AFG2A: variants seen among roughly 807,000 people sequenced by gnomAD.
The protein encoded by AFG2A is AAA ATPase AFG2A.
chr4:123,035,926 A>G, the AFG2A span, among the ~76,000 whole-genome samples: 1 of 152,190 alleles, frequency 6.6e-6, no homozygotes, highest in Non-Finnish European at 1.5e-5. Context: ...AAAAATAAGC[A>G]CATTTTATTG....
At chr4:123,224,259 G>C in the AFG2A span, among the ~76,000 whole-genome samples, 159 of 151,776 alleles carry the variant, frequency 1.0e-3, no homozygotes, top group African/African-American at 3.7e-3. Flanking sequence ...TGTGCACAAC[G>C]TGCAGGTTTG....
the AFG2A span, among the ~76,000 whole-genome samples, chr4:123,257,050 A>C: frequency 1.3e-5 from 2 of 152,120 alleles, no homozygotes; most frequent in African/African-American, 2.4e-5. Context: ...AGGACTCCAC[A>C]TTCTGTTTTG....
chr4:122,941,479 A>G, the AFG2A span, among the ~76,000 whole-genome samples: 1 of 152,320 alleles, frequency 6.6e-6, no homozygotes, highest in African/African-American at 2.4e-5. Flanking sequence ...TTGTACATTG[A>G]TTTTGTATCC....
chr4:122,951,621 C>T, the AFG2A span, among the ~76,000 whole-genome samples: 1 of 152,190 alleles, frequency 6.6e-6, no homozygotes, highest in Non-Finnish European at 1.5e-5. Context: ...AGACAGCCCA[C>T]CTGTGAGTAC....
the AFG2A span, among the ~76,000 whole-genome samples, chr4:122,925,891 A>G: frequency 6.6e-6 from 1 of 152,254 alleles, no homozygotes; most frequent in Non-Finnish European, 1.5e-5. Flanking sequence ...TATTTGCTGA[A>G]TGAATAAATG....
the AFG2A span, chr4:122,935,796 A>C: frequency 3.1e-6 from 5 of 1,613,154 alleles, no homozygotes; most frequent in South Asian, 2.2e-5. Flanking sequence ...TTGCTAATGA[A>C]GTTGGAGCCT....
the AFG2A span, among the ~76,000 whole-genome samples, chr4:123,148,399 G>A: frequency 6.6e-6 from 1 of 152,230 alleles, no homozygotes; most frequent in East Asian, 1.9e-4. Context: ...GTGAAGAGTG[G>A]GTGGTTATAA....
the AFG2A span, chr4:123,256,843 T>C: frequency 1.0e-6 from 1 of 983,868 alleles, no homozygotes; most frequent in Non-Finnish European, 1.2e-6. Flanking sequence ...ACTTATGCTA[T>C]TTTTATTTAC....
At chr4:123,185,515 C>T in the AFG2A span, among the ~76,000 whole-genome samples, 1 of 152,096 alleles carries the variant, frequency 6.6e-6, no homozygotes, top group Non-Finnish European at 1.5e-5. Flanking sequence ...TGCCCAAACT[C>T]ACACAGCTAA....
the AFG2A span, among the ~76,000 whole-genome samples, chr4:123,165,239 G>T: frequency 7.4e-4 from 113 of 152,254 alleles, 1 homozygote; most frequent in South Asian, 0.023. Flanking sequence ...TGGGGATTAA[G>T]TATAAATGGA....
the AFG2A span, among the ~76,000 whole-genome samples, chr4:123,100,591 T>C: frequency 6.6e-6 from 1 of 151,862 alleles, no homozygotes; most frequent in South Asian, 2.1e-4. Flanking sequence ...GTACACAACT[T>C]AGTGAGACTC....
the AFG2A span, among the ~76,000 whole-genome samples, chr4:123,001,262 A>G: frequency 3.3e-5 from 5 of 152,096 alleles, no homozygotes; most frequent in South Asian, 6.2e-4. Flanking sequence ...CAGCTCCTGG[A>G]TTCATTAATG....
chr4:123,020,311 C>T, the AFG2A span, among the ~76,000 whole-genome samples: 1 of 151,380 alleles, frequency 6.6e-6, no homozygotes, highest in Non-Finnish European at 1.5e-5. Flanking sequence ...ATAGAAATTG[C>T]TTGTATTCCT....
At chr4:123,168,243 G>A in the AFG2A span, among the ~76,000 whole-genome samples, 1 of 151,968 alleles carries the variant, frequency 6.6e-6, no homozygotes, top group African/African-American at 2.4e-5. Context: ...CCTTCCTCCT[G>A]ACTGTGCCCT....
At chr4:123,307,561 C>T in the AFG2A span, among the ~76,000 whole-genome samples, 1 of 152,150 alleles carries the variant, frequency 6.6e-6, no homozygotes, top group Non-Finnish European at 1.5e-5. Context: ...CCTCATTTTT[C>T]CAAAGCTTAA....
chr4:122,960,654 A>G, the AFG2A span, among the ~76,000 whole-genome samples: 2 of 152,302 alleles, frequency 1.3e-5, no homozygotes, highest in African/African-American at 2.4e-5. Context: ...ATTAAAACTC[A>G]TATTTAAATA....
At chr4:123,125,520 C>T in the AFG2A span, among the ~76,000 whole-genome samples, 1 of 152,180 alleles carries the variant, frequency 6.6e-6, no homozygotes, top group Admixed American at 6.5e-5. Flanking sequence ...TTTCTCCTCA[C>T]AGACCAAATA....
the AFG2A span, among the ~76,000 whole-genome samples, chr4:123,060,947 C>T: frequency 6.6e-6 from 1 of 152,276 alleles, no homozygotes; most frequent in East Asian, 1.9e-4. Context: ...GTTCAAAGTT[C>T]TACAGATCTC....
chr4:123,298,986 A>C, the AFG2A span, among the ~76,000 whole-genome samples: 5 of 152,220 alleles, frequency 3.3e-5, no homozygotes, highest in African/African-American at 1.2e-4. Flanking sequence ...TGATAGGATC[A>C]TAACAGCCCA....
Sources: allele counts gnomAD v4.1 joint callset (sites outside exome capture counted in the v4.1 genomes callset), GRCh38; gene constraint gnomAD v4.1.1; transcripts MANE v1.5; gene names NCBI Gene and HGNC (gene_info 2026-07-23, HGNC 2026-07-21).